NOTCH2NLC: variants seen among roughly 807,000 people sequenced by gnomAD.
NOTCH2NLC encodes notch homolog 2 N-terminal-like protein C.
Under a neutral mutation model 17.7 loss-of-function variants are expected in NOTCH2NLC, and 4 were observed. That is an observed-to-expected ratio of 0.23 (90% CI 0.11 to 0.52). The LOEUF is 0.52. NOTCH2NLC is among the 20% of genes least tolerant of loss of function. The probability of loss-of-function intolerance (pLI) is 0.96; values close to 1 mark genes in which losing one functional copy is unlikely to be tolerated. For synonymous variants in NOTCH2NLC, 18 were observed against 86.0 expected, an observed-to-expected ratio of 0.21 and a Z score of 4.38; for missense variants, 57 against 207.2, an observed-to-expected ratio of 0.28 and a Z score of 4.45.
In NOTCH2NLC at chr1:149,460,434, G is replaced by T. The variant is rs2084636301; in HGVS notation, c.470-3057G>T. ...GTTCACTGCAAGCTCCACCTCCCGG[G>T]TTCACGCCATTCTTCTGCCTCAGCC... On this transcript the variant is annotated intron_variant, in intron 3 of 4. Transcript: ENST00000650865. Among the ~76,000 whole-genome samples the T allele has an allele frequency of 1.4e-5, 2 of 146,096 alleles. 1 individual carries two copies. Among genetic ancestry groups the T allele is most frequent in the Non-Finnish European group, 3.0e-5 (2 of 65,752 alleles).
intron 1 of NOTCH2NLC, among the ~76,000 whole-genome samples, chr1:149,424,972 G>A (rs2084404968): frequency 6.6e-6 from 1 of 151,310 alleles, no homozygotes; most frequent in Non-Finnish European, 1.5e-5. Flanking sequence ...CCTCCCAGTA[G>A]GCCCCACCTT....
chr1:149,398,745 T>C (rs1434423989), intron 1 of NOTCH2NLC, among the ~76,000 whole-genome samples: 9 of 151,178 alleles, frequency 6.0e-5, no homozygotes, highest in East Asian at 2.0e-4. Flanking sequence ...GGTTTTTCTT[T>C]CCATTGGACT....
At chr1:149,457,712 G>A (rs1206218791) in intron 3 of NOTCH2NLC, among the ~76,000 whole-genome samples, 6 of 143,070 alleles carry the variant, frequency 4.2e-5, no homozygotes, top group Non-Finnish European at 9.3e-5. Context: ...GGAAAAAGAT[G>A]TAGGCTGGGA....
intron 1 of NOTCH2NLC, among the ~76,000 whole-genome samples, chr1:149,417,148 C>G (rs1285646627): frequency 9.3e-6 from 1 of 107,580 alleles, no homozygotes; most frequent in Admixed American, 1.4e-4. Flanking sequence ...CTCGCTCTTT[C>G]GCCCAGGCTG....
intron 1 of NOTCH2NLC, 156 bp from the exon 2 acceptor site, chr1:149,430,786 G>A (rs2084444299): frequency 1.0e-5 from 5 of 478,086 alleles, no homozygotes; most frequent in Non-Finnish European, 2.0e-5. Flanking sequence ...TGTGCTAGAA[G>A]CCAAAACATA....
intron 1 of NOTCH2NLC, among the ~76,000 whole-genome samples, chr1:149,409,307 T>G (rs1205158176): frequency 1.3e-5 from 2 of 149,586 alleles, no homozygotes; most frequent in Non-Finnish European, 3.0e-5. Flanking sequence ...ATCTCTGATT[T>G]AACTCTGTGT....
chr1:149,430,138 TG>T (rs1283584835), intron 1 of NOTCH2NLC, among the ~76,000 whole-genome samples: 1 of 147,018 alleles, frequency 6.8e-6, no homozygotes, highest in Non-Finnish European at 1.5e-5. Context: ...CTGTTGTTTT[TG>T]TTCTTTTCTC....
intron 1 of NOTCH2NLC, among the ~76,000 whole-genome samples, chr1:149,398,629 C>T (rs1188724359): frequency 1.3e-5 from 2 of 151,150 alleles, no homozygotes; most frequent in South Asian, 2.1e-4. Flanking sequence ...ATTGAACAAG[C>T]TCTTGGGGGT....
At chr1:149,393,677 G>A (rs2084189879) in intron 1 of NOTCH2NLC, among the ~76,000 whole-genome samples, 3 of 144,610 alleles carry the variant, frequency 2.1e-5, no homozygotes, top group Non-Finnish European at 4.5e-5. Context: ...AAACAAAATC[G>A]GAGTAATTTT....
chr1:149,393,187 C>T (rs1387148641), intron 1 of NOTCH2NLC, among the ~76,000 whole-genome samples: 1 of 150,256 alleles, frequency 6.7e-6, no homozygotes, highest in Admixed American at 6.6e-5. Context: ...CCCTCCACCT[C>T]TGCTCTGCTG....
At chr1:149,391,765 C>G (rs1337093874) in intron 1 of NOTCH2NLC, among the ~76,000 whole-genome samples, 3 of 140,302 alleles carry the variant, frequency 2.1e-5, no homozygotes, top group South Asian at 2.5e-4. Context: ...GGGGCACGGG[C>G]GGGTGAGAAA....
chr1:149,415,672 A>AT (rs2084331293), intron 1 of NOTCH2NLC, among the ~76,000 whole-genome samples: 1 of 141,702 alleles, frequency 7.1e-6, no homozygotes, highest in African/African-American at 2.6e-5. Flanking sequence ...CAACAGTGTC[A>AT]TTTTAACATA....
chr1:149,430,952 G>A lies in NOTCH2NLC; in HGVS notation c.146G>A (p.Gly49Asp). The A allele has an allele frequency of 2.5e-6, 1 of 407,288 alleles. No individual in the cohort carries two copies. Among genetic ancestry groups the A allele is most frequent in the Non-Finnish European group, 4.4e-6 (1 of 229,418 alleles). The allele number at this position is 407,288 out of a possible 1,614,324, so 25.2% of individuals were successfully genotyped here. A position where few individuals can be genotyped will look rare whatever the true frequency, so the allele number is the denominator to read the frequency against. ...AARPPRMCRD[G>D]YEPCVNEGMC... ...TTTTTAGCATTGCAGTGTCGAGATG[G>A]CTATGAACCCTGTGTAAATGAAGGA... Residue 49 changes from glycine to aspartate, a missense_variant, in exon 2 of 5, where the codon GGC (glycine) becomes GAC (aspartate). Gly to Asp is a moderately conservative substitution (Grantham distance 94, BLOSUM62 -1). Around this residue, in one of 7 missense-constraint regions of NOTCH2NLC, gnomAD observed 18 missense variants for 17.2 expected, o/e 1.05. Transcript: ENST00000650865.
In NOTCH2NLC at chr1:149,471,554, T is replaced by A. The variant is rs1195869482; in HGVS notation, c.*7401T>A. 6.6e-6 allele frequency among the ~76,000 whole-genome samples: 1 copy of A among 150,392 alleles called. No homozygotes were observed. The highest frequency in any genetic ancestry group is 1.5e-5 in the Non-Finnish European group (1 of 67,390). On this transcript the variant is annotated 3_prime_UTR_variant, in exon 5 of 5. Coordinates refer to ENST00000650865, the MANE Select transcript of NOTCH2NLC (RefSeq NM_001364013.2). ...AGTTGTCCCAGGACCATTTGTTGAA[T>A]TAAGTGCCCAGAACAAGTACATCTA... is the stretch of plus-strand genomic sequence containing the variant.
chr1:149,462,833 ATTTTT>A (rs878889477), intron 3 of NOTCH2NLC, among the ~76,000 whole-genome samples: 15 of 117,064 alleles, frequency 1.3e-4, no homozygotes, highest in South Asian at 5.7e-4. Flanking sequence ...CGGGAAGTTG[ATTTTT>A]TTTTTTTTTT....
At chr1:149,433,780 C>T (rs1450074039) in intron 2 of NOTCH2NLC, among the ~76,000 whole-genome samples, 3 of 150,112 alleles carry the variant, frequency 2.0e-5, no homozygotes, top group Non-Finnish European at 4.5e-5. Flanking sequence ...AATCCCATCT[C>T]TACTAAAAAT....
chr1:149,426,552 T>G (rs1349209217), intron 1 of NOTCH2NLC, among the ~76,000 whole-genome samples: 1 of 140,784 alleles, frequency 7.1e-6, no homozygotes, highest in African/African-American at 2.5e-5. Context: ...AGTGATGAGA[T>G]TGAAATCTAC....
rs1425955140 is a variant in NOTCH2NLC, at chr1:149,470,593, GCTT to G, written c.*6444_*6446del. On this transcript the variant is annotated 3_prime_UTR_variant, in exon 5 of 5. Transcript: ENST00000650865. Reference sequence around the variant, plus strand: ...ATGCAGCATGTAGTAATTTATGACAGCTTCTTTCACTTAGCATGAGGTTTTCAA... The same window carrying G: ...ATGCAGCATGTAGTAATTTATGACAGCTTTCACTTAGCATGAGGTTTTCAA... Among the ~76,000 whole-genome samples the G allele has an allele frequency of 7.8e-6, 1 of 127,590 alleles. No homozygotes were observed. The allele number at this position is 127,590 out of a possible 152,430, so 83.7% of individuals were successfully genotyped here. A position where few individuals can be genotyped will look rare whatever the true frequency, so the allele number is the denominator to read the frequency against.
At chr1:149,449,366 G>A (rs1322300049) in intron 2 of NOTCH2NLC, among the ~76,000 whole-genome samples, 1 of 148,586 alleles carries the variant, frequency 6.7e-6, no homozygotes, top group Non-Finnish European at 1.5e-5. Context: ...TGGGAAGGGA[G>A]GCAGAAAATT....
Sources: gnomAD v4.1 joint callset for allele counts (sites outside exome capture counted in the v4.1 genomes callset) on GRCh38, gnomAD v4.1.1 for gene constraint, gnomAD v4.1.1 regional missense constraint, MANE v1.5 for transcripts, NCBI Gene and HGNC (gene_info 2026-07-23, HGNC 2026-07-21) for gene names.